Variants in SH3KBP1 observed in about 807,000 individuals in gnomAD.
The protein encoded by SH3KBP1 is SH3 domain containing kinase binding protein 1.
In SH3KBP1, 8 loss-of-function variants were observed where a neutral mutation model predicts 50.1. That is an observed-to-expected ratio of 0.16 (90% CI 0.09 to 0.29). The LOEUF is 0.29. Among genes scored for constraint, SH3KBP1 ranks in the 10% least tolerant of loss-of-function variants. The probability of loss-of-function intolerance (pLI) is 1.00; values close to 1 mark genes in which losing one functional copy is unlikely to be tolerated. For synonymous variants in SH3KBP1, 227 were observed against 218.6 expected (o/e 1.04, Z -0.34); for missense variants, 377 against 535.2 (o/e 0.70, Z 2.92).
At chrX:19,565,202 C>T (rs2065809157) in intron 13 of SH3KBP1, among the ~76,000 whole-genome samples, 1 of 108,482 alleles carries the variant, frequency 9.2e-6, no homozygotes, top group Non-Finnish European at 1.9e-5. Flanking sequence ...GCTGGGATTA[C>T]AGGCGCCTAC....
At chrX:19,569,251 T>C (rs1055668372) in intron 12 of SH3KBP1, 63 bp from the exon 13 acceptor site, 35 of 1,001,085 alleles carry the variant, frequency 3.5e-5, no homozygotes, top group Non-Finnish European at 4.8e-5. Flanking sequence ...ATTCTGTCAG[T>C]TTTCTTGCTG....
At chrX:19,537,293 C>A (rs1456678025) in intron 17 of SH3KBP1, among the ~76,000 whole-genome samples, 1 of 110,131 alleles carries the variant, frequency 9.1e-6, no homozygotes, top group East Asian at 2.8e-4. Context: ...CCCGTCTCTA[C>A]TAAAAATACA....
At chrX:19,827,961 T>A (rs1215048970) in intron 2 of SH3KBP1, among the ~76,000 whole-genome samples, 7 of 106,540 alleles carry the variant, frequency 6.6e-5, no homozygotes. Flanking sequence ...AAAAAGATGA[T>A]CATGTGACCT....
chrX:19,581,718 C>T (rs1320351891), intron 12 of SH3KBP1, among the ~76,000 whole-genome samples: 1 of 110,279 alleles, frequency 9.1e-6, no homozygotes, highest in African/African-American at 3.3e-5. Context: ...TCTGCCCTTC[C>T]CTATGCACTT....
chrX:19,811,893 T>C (rs910754334), intron 2 of SH3KBP1, among the ~76,000 whole-genome samples: 2 of 111,594 alleles, frequency 1.8e-5, no homozygotes, highest in Non-Finnish European at 3.8e-5. Context: ...GTGGCCTCCC[T>C]AGAAGAAAAC....
intron 3 of SH3KBP1, among the ~76,000 whole-genome samples, chrX:19,732,498 G>GA (rs1228183576): frequency 3.7e-5 from 4 of 108,781 alleles, no homozygotes; most frequent in Non-Finnish European, 7.6e-5. Flanking sequence ...GCATTTGGCT[G>GA]AAAAAAATCT....
At position 19,642,334 on chromosome X, in the gene SH3KBP1, A is replaced by G. The variant is rs746570376; in HGVS notation, c.802+3066T>C. Among the ~76,000 whole-genome samples, 148 of 111,942 alleles carry G rather than the reference A, an allele frequency of 1.3e-3. 2 individuals carry two copies. Among genetic ancestry groups the G allele is most frequent in the Non-Finnish European group, 2.6e-3 (137 of 53,197 alleles). On this transcript the variant is annotated intron_variant, in intron 7 of 17. Coordinates refer to ENST00000397821, the MANE Select transcript of SH3KBP1 (RefSeq NM_031892.3). ...GGACCAATGATCTAATGATAGCAAC[A>G]AGGTTCCATTTGTTGCCATCACAGA... is the stretch of plus-strand genomic sequence containing the variant.
chrX:19,885,991 T>C (rs1434449781), intron 1 of SH3KBP1, among the ~76,000 whole-genome samples: 2 of 110,497 alleles, frequency 1.8e-5, no homozygotes, highest in African/African-American at 6.6e-5. Context: ...AGGAGATAAC[T>C]GTTACGCACA....
chrX:19,771,082 T>C (rs2065777828), intron 2 of SH3KBP1, among the ~76,000 whole-genome samples: 1 of 111,869 alleles, frequency 8.9e-6, no homozygotes, highest in South Asian at 3.7e-4. Context: ...CCTACATTAC[T>C]GTGAGAGTCT....
intron 1 of SH3KBP1, among the ~76,000 whole-genome samples, chrX:19,866,692 T>TA (rs11393561): frequency 0.31 from 29,426 of 95,164 alleles, 6,690 homozygotes; most frequent in African/African-American, 0.75. Flanking sequence ...CCTGTCTCTT[T>TA]AAAAAAAAAA....
rs748818667 is a variant in SH3KBP1 at position 19,809,222 on chromosome X, T to A, written c.162+26903A>T. ...CCTGAAAAAATATAAATCACTCCAA[T>A]ACACCATTAAATGTCAGTATCAGCC... On this transcript the variant is annotated intron_variant, in intron 2 of 17. Transcript: ENST00000397821. Among the ~76,000 whole-genome samples, 6 of 111,818 alleles carry A rather than the reference T, an allele frequency of 5.4e-5. 1 individual carries two copies. The South Asian group carries it at 2.2e-3, about 41-fold the overall frequency.
intron 2 of SH3KBP1, among the ~76,000 whole-genome samples, chrX:19,789,207 G>T (rs2066458600): frequency 1.8e-5 from 2 of 111,227 alleles, no homozygotes; most frequent in Admixed American, 1.9e-4. Flanking sequence ...GTGAGGGAAG[G>T]GGGTGGTGAT....
At chrX:19,594,556 C>A (rs960485382) in intron 10 of SH3KBP1, among the ~76,000 whole-genome samples, 3 of 111,923 alleles carry the variant, frequency 2.7e-5, no homozygotes, top group African/African-American at 9.7e-5. Flanking sequence ...AATGCTATGA[C>A]CTGTGGGAAA....
intron 2 of SH3KBP1, among the ~76,000 whole-genome samples, chrX:19,767,312 C>T (rs1213364134): frequency 9.0e-6 from 1 of 111,665 alleles, no homozygotes; most frequent in African/African-American, 3.3e-5. Context: ...GGGAAAATTC[C>T]AAATTTTCTC....
At position 19,659,106 on chromosome X, in the gene SH3KBP1, C is replaced by T. The variant is rs1485372929; in HGVS notation, c.727-13631G>A. 3.7e-4 allele frequency among the ~76,000 whole-genome samples: 31 copies of T among 83,189 alleles called. 1 individual carries two copies. The highest frequency in any genetic ancestry group is 2.1e-4 in the Non-Finnish European group (9 of 43,144). 72.2% of individuals were successfully genotyped at this position (83,189 alleles called of 115,157 possible). On this transcript the variant is annotated intron_variant, in intron 6 of 17. Coordinates refer to ENST00000397821, the MANE Select transcript of SH3KBP1 (RefSeq NM_031892.3). ...TACAGATACACACCATCATGCCCAG[C>T]TAATTTTTTTTTTTTTTTTTTTTTT...
chrX:19,720,520 T>C (rs1177281817), intron 3 of SH3KBP1, among the ~76,000 whole-genome samples: 2 of 112,373 alleles, frequency 1.8e-5, no homozygotes, highest in Non-Finnish European at 3.8e-5. Context: ...GTCATTCAAG[T>C]GAAATGAGAA....
chrX:19,588,545 C>G, intron 12 of SH3KBP1, 98 bp downstream of exon 12: 1 of 1,211,033 alleles, frequency 8.3e-7, no homozygotes, highest in Non-Finnish European at 1.1e-6. Flanking sequence ...CCCCCTTCTC[C>G]TCTCCCTTCC....
chrX:19,776,929 CCT>C lies in SH3KBP1; in HGVS notation c.163-30490_163-30489del, dbSNP rs200492864. Among the ~76,000 whole-genome samples the C allele has an allele frequency of 5.4e-3, 589 of 109,938 alleles. 6 individuals carry two copies. Among genetic ancestry groups the C allele is most frequent in the African/African-American group, 0.018 (536 of 30,123 alleles). On this transcript the variant is annotated intron_variant, in intron 2 of 17. Coordinates refer to ENST00000397821, the MANE Select transcript of SH3KBP1 (RefSeq NM_031892.3). The stretch of plus-strand genomic sequence containing the variant: ...TCACCATCCTGAATATTTTAACATA[CCT>C]CTGATTTAAACCAAACCACCAACCG...
intron 3 of SH3KBP1, among the ~76,000 whole-genome samples, chrX:19,732,510 C>A (rs992803945): frequency 6.4e-5 from 7 of 108,707 alleles, no homozygotes; most frequent in Non-Finnish European, 1.1e-4. Context: ...AAAAAATCTA[C>A]ATATAAGTGG....
Sources: allele counts gnomAD v4.1 joint callset (sites outside exome capture counted in the v4.1 genomes callset), GRCh38; gene constraint gnomAD v4.1.1; transcripts MANE v1.5; gene names NCBI Gene and HGNC (gene_info 2026-07-23, HGNC 2026-07-21).